The following ORC4 variants were observed in gnomAD, a reference collection of about 807,000 sequenced individuals.
The protein encoded by ORC4 is origin recognition complex subunit 4.
Under a neutral mutation model 63.9 loss-of-function variants are expected in ORC4, and 55 were observed. That is an observed-to-expected ratio of 0.86 (90% confidence interval 0.69 to 1.08). The LOEUF (loss-of-function observed/expected upper bound fraction) is 1.08, where lower values mean the gene tolerates loss of function less well. Among genes scored for constraint, ORC4 ranks in the 50% least tolerant of loss-of-function variants. The pLI is 0.00. For synonymous variants in ORC4, 150 were observed against 168.5 expected, an observed-to-expected ratio of 0.89 and a Z score of 0.85; for missense variants, 511 against 504.4, an observed-to-expected ratio of 1.01 and a Z score of -0.13.
intron 8 of ORC4, chr2:147,951,697 T>C (rs1688968467): frequency 6.6e-6 from 1 of 152,232 alleles, no homozygotes; most frequent in Non-Finnish European, 1.5e-5. Flanking sequence ...TATTATGTTA[T>C]AGCAACACAA....
intron 1 of ORC4, among the ~76,000 whole-genome samples, chr2:147,989,186 A>G (rs895428176): frequency 1.3e-5 from 2 of 152,216 alleles, no homozygotes; most frequent in Non-Finnish European, 2.9e-5. Context: ...AAAGAGAAAA[A>G]GAAAAATAAA....
chr2:148,007,435 C>T (rs955931380), intron 1 of ORC4, among the ~76,000 whole-genome samples: 5 of 151,844 alleles, frequency 3.3e-5, no homozygotes, highest in Admixed American at 6.6e-5. Context: ...TTCTGAAGCT[C>T]GAAAATTCAA....
chr2:147,995,568 G>A (rs1691913123), intron 1 of ORC4, among the ~76,000 whole-genome samples: 1 of 152,128 alleles, frequency 6.6e-6, no homozygotes, highest in Non-Finnish European at 1.5e-5. Context: ...GCCTTTATGA[G>A]CTGTAACACT....
At chr2:147,953,404 T>C (rs1689071119) in intron 7 of ORC4, among the ~76,000 whole-genome samples, 1 of 152,194 alleles carries the variant, frequency 6.6e-6, no homozygotes, top group South Asian at 2.1e-4. Flanking sequence ...ATTATTTTTA[T>C]AATTACGTAA....
chr2:147,943,874 C>G lies in ORC4; in HGVS notation c.763-352G>C, dbSNP rs1258017467. On this transcript the variant is annotated intron_variant, in intron 9 of 13. Coordinates refer to ENST00000392857, the MANE Select transcript of ORC4 (RefSeq NM_181741.4). ...GCATGAGTTACTGTACCTAGGGATA[C>G]AAGGTAAAGTATTACAAAGAATGCT... Among the ~76,000 whole-genome samples the G allele has an allele frequency of 5.3e-5, 8 of 152,082 alleles. No homozygotes were observed. The East Asian group carries it at 1.5e-3, about 29-fold the overall frequency.
intron 11 of ORC4, 117 bp downstream of exon 11, chr2:147,939,023 A>T (rs1402091311): frequency 8.6e-6 from 6 of 699,644 alleles, no homozygotes; most frequent in African/African-American, 5.3e-5. Flanking sequence ...GGCTATATGG[A>T]TACGAAAGTA....
intron 1 of ORC4, among the ~76,000 whole-genome samples, chr2:148,020,038 G>A (rs939057369): frequency 1.3e-5 from 2 of 152,050 alleles, no homozygotes; most frequent in Admixed American, 1.3e-4. Flanking sequence ...CAACATTAAG[G>A]ACTACACAAT....
At chr2:147,997,144 C>A (rs1340048755) in intron 1 of ORC4, among the ~76,000 whole-genome samples, 1 of 152,130 alleles carries the variant, frequency 6.6e-6, no homozygotes, top group African/African-American at 2.4e-5. Flanking sequence ...AGAAGCCAAT[C>A]TGAAGAGACT....
chr2:148,013,374 T>C (rs1410181538), intron 1 of ORC4, among the ~76,000 whole-genome samples: 2 of 152,174 alleles, frequency 1.3e-5, no homozygotes, highest in Non-Finnish European at 2.9e-5. Flanking sequence ...TTCAAAAAAA[T>C]TGAAGTCATA....
chr2:148,010,848 CTTTTT>C (rs201359357), intron 1 of ORC4, among the ~76,000 whole-genome samples: 1,454 of 98,532 alleles, frequency 0.015, 20 homozygotes, highest in African/African-American at 0.045. Context: ...CAGATTTATT[CTTTTT>C]TTTTTTTTTT....
At chr2:147,994,108 GCAA>G (rs1322526760) in intron 1 of ORC4, among the ~76,000 whole-genome samples, 10 of 151,998 alleles carry the variant, frequency 6.6e-5, no homozygotes, top group African/African-American at 1.9e-4. Context: ...ATATACATTA[GCAA>G]CAACAACAAA....
chr2:148,000,778 G>C (rs1225712362), intron 1 of ORC4, among the ~76,000 whole-genome samples: 2 of 152,110 alleles, frequency 1.3e-5, no homozygotes, highest in Non-Finnish European at 2.9e-5. Context: ...ACAACCAGCA[G>C]ATAGTTTGGG....
intron 1 of ORC4, among the ~76,000 whole-genome samples, chr2:147,991,050 CTTT>C (rs34841947): frequency 4.5e-5 from 6 of 134,028 alleles, no homozygotes; most frequent in Non-Finnish European, 4.7e-5. Context: ...ACATATATAT[CTTT>C]TTTTTTTTTT....
chr2:147,948,233 C>A lies in ORC4; in HGVS notation c.589-9G>T. The A allele has an allele frequency of 6.3e-7, 1 of 1,584,600 alleles. No homozygotes were observed. Among genetic ancestry groups the A allele is most frequent in the South Asian group, 1.1e-5 (1 of 89,640 alleles). On this transcript the variant is annotated splice_polypyrimidine_tract_variant and intron_variant, in intron 8 of 13. Transcript: ENST00000392857. ...AAGAGTTCCAAAATATCCTTAAAAA[C>A]AAACAGAAATCTCTATAAGGAAGAT... is the stretch of plus-strand genomic sequence containing the variant.
At position 147,955,347 on chromosome 2, in the gene ORC4, CT is replaced by C; in HGVS notation, c.435del (p.Gly146ValfsTer9). On this transcript the variant is annotated frameshift_variant and splice_region_variant, in exon 7 of 14. Coordinates refer to ENST00000392857, the MANE Select transcript of ORC4 (RefSeq NM_181741.4). LOFTEE classifies it high-confidence loss of function. ...AACGGCTGAATATGTTAATATTTAC[CT>C]TTTTTTAAAGCTTCCAGAAGAAATG... is the stretch of plus-strand genomic sequence containing the variant. Reference protein sequence around the residue: ...NLSFLLEALKKGDRTSSCPVI... With the variant: ...NLSFLLEALKXGDRTSSCPVI... 5.7e-6 allele frequency: 9 copies of C among 1,592,340 alleles called. No individual in the cohort carries two copies. The highest frequency in any genetic ancestry group is 1.3e-5 in the African/African-American group (1 of 74,382).
chr2:147,936,680 T>A (rs1658766394), intron 13 of ORC4: 1 of 152,154 alleles, frequency 6.6e-6, no homozygotes, highest in South Asian at 2.1e-4. Context: ...AATAGCAAAA[T>A]ACTTCATAAT....
At chr2:148,014,296 T>C (rs1429778428) in intron 1 of ORC4, among the ~76,000 whole-genome samples, 2 of 152,162 alleles carry the variant, frequency 1.3e-5, no homozygotes, top group African/African-American at 2.4e-5. Context: ...GACAACATCA[T>C]TAGGATAAGA....
intron 5 of ORC4, 45 bp from the exon 6 acceptor site, chr2:147,958,428 G>T: frequency 7.2e-7 from 1 of 1,393,134 alleles, no homozygotes. Flanking sequence ...AATTAAACAT[G>T]TATTTGATAC....
chr2:148,005,173 T>C (rs1309758656), intron 1 of ORC4, among the ~76,000 whole-genome samples: 1 of 152,128 alleles, frequency 6.6e-6, no homozygotes, highest in Non-Finnish European at 1.5e-5. Context: ...CCTTCAATGA[T>C]AGACCAGATA....
Sources: gnomAD v4.1 joint callset for allele counts (sites outside exome capture counted in the v4.1 genomes callset) on GRCh38, gnomAD v4.1.1 for gene constraint, MANE v1.5 for transcripts, NCBI Gene and HGNC (gene_info 2026-07-23, HGNC 2026-07-21) for gene names.